The following BANP variants were observed in gnomAD, a reference collection of about 807,000 sequenced individuals.
BANP encodes BTG3 associated nuclear protein, also known as protein BANP.
Under a neutral mutation model 68.1 loss-of-function variants are expected in BANP, and 11 were observed. That is an observed-to-expected ratio of 0.16 (90% CI 0.10 to 0.27). The LOEUF (loss-of-function observed/expected upper bound fraction) is 0.27, where lower values mean the gene tolerates loss of function less well. BANP is among the 10% of genes least tolerant of loss of function. The pLI, the probability that BANP is intolerant of heterozygous loss-of-function variation, is 1.00. For synonymous variants in BANP, 329 were observed against 303.2 expected (o/e 1.09, Z -0.88); for missense variants, 504 against 722.7 (o/e 0.70, Z 3.47).
rs774586725 is a variant in BANP, at chr16:88,018,410, C to A, written c.656-18C>A. ...ATTTGAGCCTTGGCCATCTGAGGAC[C>A]TGTCTTCTGTTTTTCAGAGGACTAC... On this transcript the variant is annotated intron_variant, in intron 6 of 13. Transcript: ENST00000682872. The surrounding 1 kb of genome is among the most constrained non-coding windows in gnomAD (Gnocchi z 7.7). 8 of 1,603,920 alleles carry A rather than the reference C, an allele frequency of 5.0e-6. No homozygotes were observed. The highest frequency in any genetic ancestry group is 6.8e-6 in the Non-Finnish European group (8 of 1,174,110).
chr16:88,056,689 T>G (rs1261792868), intron 11 of BANP, among the ~76,000 whole-genome samples: 2 of 146,234 alleles, frequency 1.4e-5, no homozygotes, highest in Non-Finnish European at 3.1e-5. Flanking sequence ...CTCTGTGATG[T>G]CAGACAGTGG....
At position 88,018,683 on chromosome 16, in the gene BANP, C is replaced by T; in HGVS notation, c.895+16C>T. The stretch of plus-strand genomic sequence containing the variant: ...GGCATCCGGTGTAAGTCGGGCCCCG[C>T]CTTGGGGGACTGGGGTGTGCGGGGA... On this transcript the variant is annotated intron_variant, in intron 7 of 13. Transcript: ENST00000682872. The surrounding 1 kb of genome is among the most constrained non-coding windows in gnomAD (Gnocchi z 7.7). The T allele has an allele frequency of 1.3e-6, 2 of 1,551,972 alleles. No individual in the cohort carries two copies. Among genetic ancestry groups the T allele is most frequent in the South Asian group, 1.2e-5 (1 of 84,452 alleles).
At chr16:88,069,285 A>G (rs1054060643) in intron 12 of BANP, among the ~76,000 whole-genome samples, 3 of 152,248 alleles carry the variant, frequency 2.0e-5, no homozygotes, top group African/African-American at 7.2e-5. Context: ...CCAGACATTC[A>G]GCTCATTGAC....
intron 12 of BANP, among the ~76,000 whole-genome samples, chr16:88,066,135 G>A (rs565371340): frequency 1.3e-5 from 2 of 152,346 alleles, no homozygotes; most frequent in Admixed American, 6.5e-5. Flanking sequence ...TCCCAGACAC[G>A]TTCCTTAGAG....
intron 6 of BANP, among the ~76,000 whole-genome samples, chr16:88,007,104 G>T (rs1290122844): frequency 6.6e-6 from 1 of 152,108 alleles, no homozygotes; most frequent in East Asian, 1.9e-4. Context: ...CCCCTACACA[G>T]TAGAAATCTT....
chr16:88,013,905 A>G (rs6540145), intron 6 of BANP, among the ~76,000 whole-genome samples: 145,905 of 152,308 alleles, frequency 0.96, 70,189 homozygotes, highest in East Asian at 1. Flanking sequence ...CATGGACACA[A>G]GTGTGGATGG....
rs1375727661 is a variant in BANP, at chr16:88,004,706, C to T, written c.479+295C>T. On this transcript the variant is annotated intron_variant, in intron 5 of 13. Coordinates refer to ENST00000682872, the MANE Select transcript of BANP (RefSeq NM_001386991.1). The surrounding 1 kb of genome is among the most constrained non-coding windows in gnomAD (Gnocchi z 7.0). ...GTCTCCTCACAGCAGTCTGTGAAAG[C>T]GTTCATCCTCCCACCTAGCTCAGTG... Among the ~76,000 whole-genome samples the T allele has an allele frequency of 3.3e-5, 5 of 152,220 alleles. No individual in the cohort carries two copies. In the East Asian group the frequency reaches 7.7e-4, roughly 23 times the overall value.
At chr16:88,034,788 G>C (rs889821362) in intron 9 of BANP, among the ~76,000 whole-genome samples, 26 of 150,928 alleles carry the variant, frequency 1.7e-4, no homozygotes, top group African/African-American at 6.1e-4. Context: ...TGAAGTGCTG[G>C]AAAATGTTCT....
At chr16:88,050,714 A>C (rs1457113637) in intron 11 of BANP, among the ~76,000 whole-genome samples, 1 of 152,092 alleles carries the variant, frequency 6.6e-6, no homozygotes. Context: ...TTTTAGAGAC[A>C]GTCTCACTCT....
rs764823283 is a variant in BANP at position 88,003,512 on chromosome 16, C to A, written c.363-783C>A. 3 of 456,240 alleles carry A rather than the reference C, an allele frequency of 6.6e-6. No homozygotes were observed. The highest frequency in any genetic ancestry group is 4.6e-5 in the South Asian group (3 of 64,564). 28.3% of individuals were successfully genotyped at this position (456,240 alleles called of 1,614,324 possible). A position where few individuals can be genotyped will look rare whatever the true frequency, so the allele number is the denominator to read the frequency against. ...CACAACAAAGCGGACCTTAGATATC[C>A]CTTGTGACCAGAAAGTGCTAAGGCT... On this transcript the variant is annotated intron_variant, in intron 4 of 13. Transcript: ENST00000682872. The surrounding 1 kb of genome is among the most constrained non-coding windows in gnomAD (Gnocchi z 6.1).
chr16:87,985,290 C>T (rs529103192), intron 4 of BANP, among the ~76,000 whole-genome samples: 41 of 152,320 alleles, frequency 2.7e-4, no homozygotes, highest in South Asian at 2.1e-3. Context: ...TTCCGAGCTC[C>T]GCTGCTGGTG....
intron 1 of BANP, among the ~76,000 whole-genome samples, chr16:87,973,721 C>T (rs1259221867): frequency 3.1e-4 from 43 of 138,602 alleles, no homozygotes; most frequent in African/African-American, 1.1e-3. Flanking sequence ...CCATTGCATT[C>T]CAGCCTGGGC....
intron 9 of BANP, among the ~76,000 whole-genome samples, chr16:88,033,586 G>A (rs568445279): frequency 1.6e-4 from 24 of 152,172 alleles, no homozygotes; most frequent in Non-Finnish European, 2.6e-4. Context: ...GGGAAACATC[G>A]GAAATATTTC....
At chr16:88,065,353 A>C in intron 12 of BANP, 21 bp downstream of exon 12, 1 of 764,028 alleles carries the variant, frequency 1.3e-6, no homozygotes, top group Non-Finnish European at 2.4e-6. Context: ...TGTACATCCC[A>C]TCTCTCCCAC....
chr16:87,954,591 G>A (rs947483381), intron 1 of BANP, among the ~76,000 whole-genome samples: 1 of 152,186 alleles, frequency 6.6e-6, no homozygotes, highest in African/African-American at 2.4e-5. Context: ...GGGCTGTTCC[G>A]CTTCTTTAGG....
chr16:88,058,864 C>T (rs2085879975), intron 11 of BANP, among the ~76,000 whole-genome samples: 2 of 152,198 alleles, frequency 1.3e-5, no homozygotes, highest in South Asian at 4.2e-4. Context: ...ATGTTCAGGG[C>T]ATTGTTTACG....
chr16:87,994,426 G>A (rs773091544), intron 4 of BANP, among the ~76,000 whole-genome samples: 1 of 152,258 alleles, frequency 6.6e-6, no homozygotes, highest in South Asian at 2.1e-4. Context: ...GCCTCTCAAA[G>A]CCAATTGCCA....
rs111434737 is a variant in BANP, at chr16:88,023,320, C to T, written c.896-4163C>T. Among the ~76,000 whole-genome samples the T allele has an allele frequency of 4.3e-4, 65 of 152,206 alleles. 1 individual carries two copies. The highest frequency in any genetic ancestry group is 1.5e-3 in the African/African-American group (63 of 41,530). On this transcript the variant is annotated intron_variant, in intron 7 of 13. Coordinates refer to ENST00000682872, the MANE Select transcript of BANP (RefSeq NM_001386991.1). Reference sequence around the variant, plus strand: ...AGACTGAGGACAGGTGTCTCTCCATCATTTTTTCTCATAAAGGAGTGAGTC... The same window carrying T: ...AGACTGAGGACAGGTGTCTCTCCATTATTTTTTCTCATAAAGGAGTGAGTC...
At chr16:87,958,392 T>G (rs2058506393) in intron 1 of BANP, among the ~76,000 whole-genome samples, 1 of 152,176 alleles carries the variant, frequency 6.6e-6, no homozygotes, top group Non-Finnish European at 1.5e-5. Flanking sequence ...AAACTTGCAG[T>G]GATGAGTGTA....
Sources: allele counts gnomAD v4.1 joint callset (sites outside exome capture counted in the v4.1 genomes callset), GRCh38; gene constraint gnomAD v4.1.1; non-coding constraint Gnocchi (gnomAD v3.1); transcripts MANE v1.5; gene names NCBI Gene and HGNC (gene_info 2026-07-23, HGNC 2026-07-21).